The following ATG4C variants were observed in gnomAD, a reference collection of about 807,000 sequenced individuals.
ATG4C encodes autophagy related 4C cysteine peptidase, also known as cysteine protease ATG4C.
ATG4C carries 56 observed loss-of-function variants against 57.6 expected under a neutral mutation model. The ratio of observed to expected loss-of-function variants is 0.97; its 90% confidence interval spans 0.78 to 1.21. ATG4C has a LOEUF of 1.21. ATG4C is among the 50% of genes most tolerant of loss of function. The pLI, the probability that ATG4C is intolerant of heterozygous loss-of-function variation, is 0.00. For missense variants in ATG4C, 595 were observed against 529.8 expected (o/e 1.12, Z -1.21); for synonymous variants, 157 against 174.1 (o/e 0.90, Z 0.78).
At chr1:62,826,640 C>T (rs1368752070) in intron 6 of ATG4C, among the ~76,000 whole-genome samples, 1 of 151,102 alleles carries the variant, frequency 6.6e-6, no homozygotes, top group African/African-American at 2.4e-5. Flanking sequence ...ATGTACGCAA[C>T]GTGCAGGTTT....
At chr1:62,805,392 T>G in intron 3 of ATG4C, 137 bp downstream of exon 3, 1 of 1,219,100 alleles carries the variant, frequency 8.2e-7, no homozygotes, top group Non-Finnish European at 1.1e-6. Flanking sequence ...TCATAATATA[T>G]TACTATGTTG....
intron 9 of ATG4C, chr1:62,835,364 C>G (rs1487018581): frequency 3.0e-6 from 1 of 335,062 alleles, no homozygotes; most frequent in Non-Finnish European, 6.1e-6. Context: ...TATTTCTTAA[C>G]CTCTTCTTTT....
In ATG4C at chr1:62,806,857, A is replaced by G. The variant is rs145591622; in HGVS notation, c.160+1602A>G. Among the ~76,000 whole-genome samples, 13 of 152,342 alleles carry G rather than the reference A, an allele frequency of 8.5e-5. No individual in the cohort carries two copies. The East Asian group carries it at 2.5e-3, about 29-fold the overall frequency. On this transcript the variant is annotated intron_variant, in intron 3 of 10. Coordinates refer to ENST00000317868, the MANE Select transcript of ATG4C (RefSeq NM_032852.4). The stretch of plus-strand genomic sequence containing the variant: ...ACAACACATTATCATTGCAAGAGCT[A>G]GAAGCACATAGGACCATGAAACCTT...
At chr1:62,800,484 T>A (rs1358388741) in intron 1 of ATG4C, among the ~76,000 whole-genome samples, 1 of 152,194 alleles carries the variant, frequency 6.6e-6, no homozygotes. Context: ...AGTTTCAGAT[T>A]CTGCATAGTG....
chr1:62,810,039 GA>G (rs36085475), intron 3 of ATG4C, among the ~76,000 whole-genome samples: 65,157 of 151,854 alleles, frequency 0.43, 14,112 homozygotes, highest in East Asian at 0.67. Flanking sequence ...TTTAACTTAC[GA>G]CCCAACATTT....
intron 9 of ATG4C, among the ~76,000 whole-genome samples, chr1:62,836,377 T>G (rs1215806996): frequency 6.6e-6 from 1 of 152,084 alleles, no homozygotes. Context: ...GGTTTATAGA[T>G]GTTATATTTT....
intron 3 of ATG4C, among the ~76,000 whole-genome samples, chr1:62,815,994 C>G (rs1665258598): frequency 1.3e-5 from 2 of 152,112 alleles, no homozygotes; most frequent in Admixed American, 6.6e-5. Context: ...CAGAATCTTC[C>G]TGTTTTAGCC....
intron 4 of ATG4C, among the ~76,000 whole-genome samples, chr1:62,818,292 C>G (rs1665350093): frequency 1.3e-5 from 2 of 152,160 alleles, no homozygotes; most frequent in South Asian, 4.1e-4. Context: ...CTTCCATGGT[C>G]AGACTTCTAT....
In ATG4C at chr1:62,834,822, A is replaced by G. The variant is rs905470500; in HGVS notation, c.1059A>G (p.Val353=). The change falls in exon 9 of 11, where the codon GTA becomes GTG. Residue 353 remains valine (V), a synonymous_variant. Coordinates refer to ENST00000317868, the MANE Select transcript of ATG4C (RefSeq NM_032852.4). ...ATCCTCATTACTGCCAATCTTTTGT[A>G]GATGTCAGCATAAAGGATTTCCCTC... The part of the protein sequence containing the change: ...YMDPHYCQSF[V]DVSIKDFPLE... The G allele has an allele frequency of 2.5e-5, 40 of 1,612,366 alleles. No homozygotes were observed. The highest frequency in any genetic ancestry group is 3.4e-5 in the Non-Finnish European group (40 of 1,178,812).
chr1:62,853,730 G>A (rs1666591939), intron 10 of ATG4C, among the ~76,000 whole-genome samples: 1 of 152,202 alleles, frequency 6.6e-6, no homozygotes. Flanking sequence ...ACAGGCATGA[G>A]CCACTGTACC....
rs979147851 is a variant in ATG4C, at chr1:62,863,846, C to T, written c.1210-146C>T. 9.8e-6 allele frequency: 5 copies of T among 511,824 alleles called. No homozygotes were observed. In the African/African-American group the frequency reaches 1.0e-4, roughly 10 times the overall value. The allele number at this position is 511,824 out of a possible 1,614,324, so 31.7% of individuals were successfully genotyped here. A position where few individuals can be genotyped will look rare whatever the true frequency, so the allele number is the denominator to read the frequency against. On this transcript the variant is annotated intron_variant, in intron 10 of 10. Coordinates refer to ENST00000317868, the MANE Select transcript of ATG4C (RefSeq NM_032852.4). ...TGCTAATCATTTTTTGTCTTTTAGC[C>T]AGAACAGGCAAAGGAGTAGCACTGG...
chr1:62,823,199 T>C (rs1046389169), intron 6 of ATG4C, among the ~76,000 whole-genome samples: 5 of 152,322 alleles, frequency 3.3e-5, no homozygotes, highest in African/African-American at 1.2e-4. Context: ...TGATAACTTA[T>C]ATTTTCTGCC....
Position 62,805,171 on chromosome 1 carries a change from G to A in ATG4C, c.77-1G>A. On this transcript the variant is annotated splice_acceptor_variant, in intron 2 of 10. Coordinates refer to ENST00000317868, the MANE Select transcript of ATG4C (RefSeq NM_032852.4). LOFTEE classifies it high-confidence loss of function. ...TCTTTTCTTTTTTTTTTTTTTGCTA[G>A]GTTGGGTGTTGAAAACAAAGACGTA... 1 of 1,504,232 alleles carries A rather than the reference G, an allele frequency of 6.6e-7. No homozygotes were observed. The highest frequency in any genetic ancestry group is 8.8e-7 in the Non-Finnish European group (1 of 1,139,404). The allele number at this position is 1,504,232 out of a possible 1,614,324, so 93.2% of individuals were successfully genotyped here.
At chr1:62,827,531 CT>C (rs1181233096) in intron 6 of ATG4C, among the ~76,000 whole-genome samples, 1 of 152,142 alleles carries the variant, frequency 6.6e-6, no homozygotes, top group Non-Finnish European at 1.5e-5. Flanking sequence ...TCTCTATTTC[CT>C]CCATTAGCAT....
At chr1:62,840,550 C>T (rs1343930559) in intron 9 of ATG4C, among the ~76,000 whole-genome samples, 1 of 152,140 alleles carries the variant, frequency 6.6e-6, no homozygotes, top group East Asian at 1.9e-4. Context: ...ACAGGCTAAG[C>T]ATTTAAGCAT....
At chr1:62,829,276 T>C (rs1208300167) in intron 7 of ATG4C, 100 bp downstream of exon 7, 11 of 1,359,520 alleles carry the variant, frequency 8.1e-6, no homozygotes, top group Non-Finnish European at 1.1e-5. Context: ...GTGATGATTT[T>C]GTAGTTGTAC....
intron 10 of ATG4C, among the ~76,000 whole-genome samples, chr1:62,860,408 A>G (rs1424084793): frequency 1.3e-5 from 2 of 152,226 alleles, no homozygotes; most frequent in African/African-American, 4.8e-5. Flanking sequence ...TATCTGCCAT[A>G]CAATCAGTTT....
Position 62,803,345 on chromosome 1 carries a change from G to T in ATG4C, c.-68-374G>T, listed in dbSNP as rs116790471. 8.4e-3 allele frequency among the ~76,000 whole-genome samples: 1,273 copies of T among 152,298 alleles called. 36 individuals carry two copies. The highest frequency in any genetic ancestry group is 0.029 in the African/African-American group (1,190 of 41,578). On this transcript the variant is annotated intron_variant, in intron 1 of 10. Coordinates refer to ENST00000317868, the MANE Select transcript of ATG4C (RefSeq NM_032852.4). ...AAGATTTCAAATCACCTTCTCTAAT[G>T]ACAGATAAAACAAATCTTGGATATT...
At chr1:62,797,011 TGC>T (rs1664492523) in intron 1 of ATG4C, among the ~76,000 whole-genome samples, 1 of 151,872 alleles carries the variant, frequency 6.6e-6, no homozygotes, top group Non-Finnish European at 1.5e-5. Context: ...CTGAGGCTGA[TGC>T]AGGAGAATTG....
Sources: allele counts gnomAD v4.1 joint callset (sites outside exome capture counted in the v4.1 genomes callset), GRCh38; gene constraint gnomAD v4.1.1; transcripts MANE v1.5; gene names NCBI Gene and HGNC (gene_info 2026-07-23, HGNC 2026-07-21).